Variants in GRM7 observed in about 807,000 individuals in gnomAD.
The protein encoded by GRM7 is glutamate metabotropic receptor 7, also known as metabotropic glutamate receptor 7.
In GRM7, 35 loss-of-function variants were observed where a neutral mutation model predicts 84.5. That is an observed-to-expected ratio of 0.41 (90% confidence interval 0.32 to 0.55). The LOEUF is 0.55. GRM7 is among the 20% of genes least tolerant of loss of function. The probability of loss-of-function intolerance (pLI) is 0.19; values close to 1 mark genes in which losing one functional copy is unlikely to be tolerated. For synonymous variants in GRM7, 487 were observed against 455.1 expected (o/e 1.07, Z -0.89); for missense variants, 1,003 against 1,194.6 (o/e 0.84, Z 2.36).
chr3:7,521,089 G>T (rs1334783594), intron 7 of GRM7, among the ~76,000 whole-genome samples: 1 of 152,164 alleles, frequency 6.6e-6, no homozygotes, highest in African/African-American at 2.4e-5. Context: ...GTGCATAGAA[G>T]TATCAGTTCA....
chr3:7,001,528 G>A (rs1025255889), intron 1 of GRM7, among the ~76,000 whole-genome samples: 1 of 152,084 alleles, frequency 6.6e-6, no homozygotes, highest in Admixed American at 6.6e-5. Flanking sequence ...TTTGTAAACT[G>A]GCAAATAAGC....
chr3:7,603,835 T>G (rs572545744), intron 8 of GRM7, among the ~76,000 whole-genome samples: 1 of 152,258 alleles, frequency 6.6e-6, no homozygotes, highest in Non-Finnish European at 1.5e-5. Flanking sequence ...AACTAATTTT[T>G]AATGAGAACA....
intron 8 of GRM7, among the ~76,000 whole-genome samples, chr3:7,615,422 T>C (rs1331859405): frequency 6.6e-6 from 1 of 151,738 alleles, no homozygotes; most frequent in East Asian, 1.9e-4. Flanking sequence ...TCTTGAAGTC[T>C]GTTTACTCTG....
chr3:6,908,643 T>A (rs944061916), intron 1 of GRM7, among the ~76,000 whole-genome samples: 3 of 152,162 alleles, frequency 2.0e-5, no homozygotes, highest in Non-Finnish European at 4.4e-5. Flanking sequence ...ACAGAGTCCT[T>A]GAAGTGTCCT....
intron 1 of GRM7, among the ~76,000 whole-genome samples, chr3:6,935,726 C>G (rs892365478): frequency 1.4e-5 from 2 of 144,838 alleles, no homozygotes; most frequent in East Asian, 3.9e-4. Context: ...GACAGAGTCT[C>G]GCTCTGTCAT....
At chr3:7,179,533 A>T (rs13065001) in intron 2 of GRM7, among the ~76,000 whole-genome samples, 34,400 of 152,150 alleles carry the variant, frequency 0.23, 4,408 homozygotes, top group Non-Finnish European at 0.3. Context: ...TAGTCACTGC[A>T]GCAGAAGGAG....
At chr3:7,273,370 G>T (rs1180797740) in intron 2 of GRM7, among the ~76,000 whole-genome samples, 1 of 152,126 alleles carries the variant, frequency 6.6e-6, no homozygotes, top group Non-Finnish European at 1.5e-5. Context: ...ATTCTATGTA[G>T]TTGACTGTTG....
chr3:7,599,905 T>G (rs1575540509), intron 8 of GRM7, among the ~76,000 whole-genome samples: 1 of 152,224 alleles, frequency 6.6e-6, no homozygotes, highest in Non-Finnish European at 1.5e-5. Context: ...TTGAGGCCCT[T>G]TGAAAGATGC....
intron 9 of GRM7, among the ~76,000 whole-genome samples, chr3:7,705,235 A>G (rs1447074034): frequency 1.3e-5 from 2 of 152,186 alleles, no homozygotes; most frequent in African/African-American, 2.4e-5. Flanking sequence ...GGCACAAAAC[A>G]TCTGAAAGAA....
intron 7 of GRM7, among the ~76,000 whole-genome samples, chr3:7,471,902 G>T (rs1424660109): frequency 1.3e-5 from 2 of 152,186 alleles, no homozygotes; most frequent in African/African-American, 4.8e-5. Flanking sequence ...TCGTTTGAAT[G>T]TTTGCCCCCT....
At chr3:6,893,519 A>G (rs1559312490) in intron 1 of GRM7, among the ~76,000 whole-genome samples, 1 of 152,162 alleles carries the variant, frequency 6.6e-6, no homozygotes, top group Non-Finnish European at 1.5e-5. Flanking sequence ...CTACAGACAT[A>G]AACTGAGCAT....
chr3:6,867,528 A>G (rs1390727730), intron 1 of GRM7, among the ~76,000 whole-genome samples: 1 of 152,130 alleles, frequency 6.6e-6, no homozygotes, highest in African/African-American at 2.4e-5. Context: ...TGATATCCCC[A>G]GGGCACAGAA....
intron 8 of GRM7, among the ~76,000 whole-genome samples, chr3:7,642,274 A>G (rs1698398400): frequency 6.6e-6 from 1 of 152,172 alleles, no homozygotes; most frequent in Non-Finnish European, 1.5e-5. Context: ...GTCAAATTTC[A>G]AAACTTTAGA....
intron 1 of GRM7, among the ~76,000 whole-genome samples, chr3:6,957,137 C>A (rs1349394547): frequency 6.6e-6 from 1 of 152,056 alleles, no homozygotes; most frequent in Admixed American, 6.5e-5. Context: ...GCCTTTGGAC[C>A]CTGGTGTCGT....
chr3:7,578,345 A>C (rs1695062564), intron 7 of GRM7, 77 bp from the exon 8 acceptor site: 1 of 903,560 alleles, frequency 1.1e-6, no homozygotes, highest in African/African-American at 1.7e-5. Flanking sequence ...TGCCATGAGT[A>C]CTGTTTGCTG....
intron 9 of GRM7, among the ~76,000 whole-genome samples, chr3:7,683,217 G>A (rs570365165): frequency 6.6e-6 from 1 of 152,282 alleles, no homozygotes; most frequent in East Asian, 1.9e-4. Context: ...TACAAAGACA[G>A]GAGTAACCTG....
At chr3:7,736,455 C>T (rs1477562931) in intron 9 of GRM7, among the ~76,000 whole-genome samples, 2 of 151,974 alleles carry the variant, frequency 1.3e-5, no homozygotes, top group Non-Finnish European at 2.9e-5. Flanking sequence ...ATATAGAAAG[C>T]TATATAGTTA....
At chr3:7,408,141 G>A (rs1423444218) in intron 4 of GRM7, among the ~76,000 whole-genome samples, 1 of 152,148 alleles carries the variant, frequency 6.6e-6, no homozygotes, top group Non-Finnish European at 1.5e-5. Context: ...TACAATTCTA[G>A]TTTCAGAGTC....
intron 1 of GRM7, among the ~76,000 whole-genome samples, chr3:7,069,731 C>A (rs1697794050): frequency 6.6e-6 from 1 of 152,010 alleles, no homozygotes; most frequent in African/African-American, 2.4e-5. Flanking sequence ...GTGTGATTAA[C>A]AACACTGACC....
Sources: gnomAD v4.1 joint callset for allele counts (sites outside exome capture counted in the v4.1 genomes callset) on GRCh38, gnomAD v4.1.1 for gene constraint, MANE v1.5 for transcripts, NCBI Gene and HGNC (gene_info 2026-07-23, HGNC 2026-07-21) for gene names.